The following DAPK2 variants were observed in gnomAD, a reference collection of about 807,000 sequenced individuals.
DAPK2 encodes the protein death associated protein kinase 2, also known as death-associated protein kinase 2.
In DAPK2, 35 loss-of-function variants were observed where a neutral mutation model predicts 44.1. The ratio of observed to expected loss-of-function variants is 0.79; its 90% CI spans 0.61 to 1.05. The LOEUF is 1.05. Ranked by LOEUF, DAPK2 falls within the 50% of genes least tolerant of loss-of-function variation. The pLI is 0.00. For synonymous variants in DAPK2, 174 were observed against 182.6 expected (o/e 0.95, Z 0.38); for missense variants, 453 against 483.2 (o/e 0.94, Z 0.59).
At chr15:63,924,824 A>C (rs2079192913) in exon 8 of DAPK2, 1 of 1,614,084 alleles carries the variant, frequency 6.2e-7, no homozygotes, top group Non-Finnish European at 8.5e-7. Context: ...ACCGTGATCC[A>C]GGGGTGTCTG....
chr15:63,981,824 G>A (rs946486270), intron 2 of DAPK2, among the ~76,000 whole-genome samples: 2 of 152,164 alleles, frequency 1.3e-5, no homozygotes, highest in Non-Finnish European at 2.9e-5. Flanking sequence ...TGGGAGGCCC[G>A]TGGGAGAAAC....
At chr15:64,002,411 T>G (rs60239759) in intron 1 of DAPK2, among the ~76,000 whole-genome samples, 6,567 of 152,342 alleles carry the variant, frequency 0.043, 484 homozygotes, top group African/African-American at 0.15. Flanking sequence ...AACACATTTT[T>G]AAAGGTTTTA....
At chr15:63,970,292 C>T (rs969701616) in intron 3 of DAPK2, among the ~76,000 whole-genome samples, 2 of 152,244 alleles carry the variant, frequency 1.3e-5, no homozygotes, top group Non-Finnish European at 2.9e-5. Context: ...TCAGCACACA[C>T]TTCCCATGCC....
intron 4 of DAPK2, among the ~76,000 whole-genome samples, chr15:63,933,297 G>T (rs1351660105): frequency 6.6e-6 from 1 of 152,154 alleles, no homozygotes; most frequent in African/African-American, 2.4e-5. Flanking sequence ...AGGCTGGAGT[G>T]CAATGATGTG....
intron 1 of DAPK2, among the ~76,000 whole-genome samples, chr15:64,027,421 T>C (rs1476337522): frequency 2.0e-5 from 3 of 150,636 alleles, no homozygotes; most frequent in Non-Finnish European, 4.4e-5. Context: ...ACCCCAAAAT[T>C]AGCCAGGTAT....
chr15:63,956,475 AG>A (rs1567231208), intron 3 of DAPK2, among the ~76,000 whole-genome samples: 1 of 152,068 alleles, frequency 6.6e-6, no homozygotes, highest in Non-Finnish European at 1.5e-5. Context: ...CTGGTCATTC[AG>A]AAGCATATTA....
At chr15:63,995,263 C>A (rs2078923453) in intron 1 of DAPK2, among the ~76,000 whole-genome samples, 1 of 152,170 alleles carries the variant, frequency 6.6e-6, no homozygotes, top group East Asian at 1.9e-4. Flanking sequence ...CTCATTGCAG[C>A]CTCAGCCTCC....
At chr15:64,007,552 G>A (rs888488677) in intron 1 of DAPK2, among the ~76,000 whole-genome samples, 2 of 152,146 alleles carry the variant, frequency 1.3e-5, no homozygotes, top group African/African-American at 4.8e-5. Context: ...CCTCCTGGAG[G>A]GGGACAGGCT....
chr15:63,964,518 T>C (rs895654829), intron 3 of DAPK2, among the ~76,000 whole-genome samples: 6 of 152,214 alleles, frequency 3.9e-5, no homozygotes, highest in Admixed American at 2.0e-4. Flanking sequence ...GAAGTTCTGT[T>C]ATTATCCCTT....
At chr15:63,911,679 T>C in intron 10 of DAPK2, 1 of 563,232 alleles carries the variant, frequency 1.8e-6, no homozygotes, top group Non-Finnish European at 3.2e-6. Flanking sequence ...CCTCCAGGAG[T>C]TCATGCTGCT....
upstream of DAPK2, among the ~76,000 whole-genome samples, chr15:64,042,769 G>T (rs566773176): frequency 6.6e-6 from 1 of 152,134 alleles, no homozygotes; most frequent in Non-Finnish European, 1.5e-5. The surrounding 1 kb of genome is among the most constrained non-coding windows in gnomAD (Gnocchi z 4.7). Context: ...GCTATATCTC[G>T]GCTGAAGTGG....
At chr15:64,031,596 A>G (rs1193039045) in intron 1 of DAPK2, among the ~76,000 whole-genome samples, 1 of 152,232 alleles carries the variant, frequency 6.6e-6, no homozygotes. Flanking sequence ...AATACAAGCA[A>G]GCATGTGTAT....
intron 1 of DAPK2, among the ~76,000 whole-genome samples, chr15:64,032,559 T>C (rs930253523): frequency 6.6e-6 from 1 of 152,166 alleles, no homozygotes; most frequent in African/African-American, 2.4e-5. Flanking sequence ...CTTGGGGGAA[T>C]GTGAACTACA....
intron 1 of DAPK2, among the ~76,000 whole-genome samples, chr15:64,029,271 C>T (rs1595911579): frequency 6.6e-6 from 1 of 152,150 alleles, no homozygotes; most frequent in African/African-American, 2.4e-5. Flanking sequence ...GTCTGAGTGG[C>T]TTTGTGCTTT....
chr15:63,925,701 C>T (rs899429990), intron 7 of DAPK2, among the ~76,000 whole-genome samples: 6 of 151,962 alleles, frequency 3.9e-5, no homozygotes, highest in African/African-American at 1.5e-4. Flanking sequence ...CACACACACA[C>T]ACACACACAC....
intron 4 of DAPK2, among the ~76,000 whole-genome samples, chr15:63,934,252 T>TG (rs1284062040): frequency 1.6e-5 from 2 of 125,000 alleles, no homozygotes; most frequent in African/African-American, 3.3e-5. Context: ...TATCCTAGTT[T>TG]TTTTTTTTTT....
chr15:64,041,236 G>A (rs2080346738), upstream of DAPK2, among the ~76,000 whole-genome samples: 1 of 152,176 alleles, frequency 6.6e-6, no homozygotes, highest in South Asian at 2.1e-4. Flanking sequence ...CAGGAGTCAG[G>A]AGCCTGAGGT....
At chr15:63,979,793 G>A (rs1463619199) in intron 2 of DAPK2, among the ~76,000 whole-genome samples, 2 of 152,108 alleles carry the variant, frequency 1.3e-5, no homozygotes, top group Non-Finnish European at 2.9e-5. Flanking sequence ...GCACATACTG[G>A]TAGTCCCAGC....
chr15:64,002,914 CACTGTGTGTGTG>C (rs1347492964), intron 1 of DAPK2, among the ~76,000 whole-genome samples: 1 of 87,322 alleles, frequency 1.1e-5, no homozygotes, highest in Non-Finnish European at 2.3e-5. Context: ...AAGACTGAGA[CACTGTGTGTGTG>C]TGTGTGTGTG....
Sources: gnomAD v4.1 joint callset for allele counts (sites outside exome capture counted in the v4.1 genomes callset) on GRCh38, gnomAD v4.1.1 for gene constraint, Gnocchi (gnomAD v3.1) non-coding constraint, MANE v1.5 for transcripts, NCBI Gene and HGNC (gene_info 2026-07-23, HGNC 2026-07-21) for gene names.